KCNH7: variants seen among roughly 807,000 people sequenced by gnomAD.
The protein encoded by KCNH7 is voltage-gated inwardly rectifying potassium channel KCNH7.
KCNH7 carries 49 observed loss-of-function variants against 120.8 expected under a neutral mutation model. That is an observed-to-expected ratio of 0.41 (90% CI 0.32 to 0.51). The LOEUF is 0.51. KCNH7 is among the 20% of genes least tolerant of loss of function. KCNH7 has a pLI of 0.38. For synonymous variants in KCNH7, 547 were observed against 516.1 expected (o/e 1.06, Z -0.81); for missense variants, 1,097 against 1,446.6 (o/e 0.76, Z 3.92).
rs533777613 is a variant in KCNH7 at position 162,519,013 on chromosome 2, A to G, written c.464-855T>C. ...TAAACTCACTAGTAGTAAAAACTGC[A>G]AAGTAATACAAGAGGATATAATTTT... On this transcript the variant is annotated intron_variant, in intron 3 of 15. Coordinates refer to ENST00000332142, the MANE Select transcript of KCNH7 (RefSeq NM_033272.4). 1.4e-3 allele frequency among the ~76,000 whole-genome samples: 218 copies of G among 151,892 alleles called. 1 individual carries two copies. Among genetic ancestry groups the G allele is most frequent in the African/African-American group, 4.4e-3 (182 of 41,532 alleles).
In KCNH7 at chr2:162,708,243, T is replaced by C. The variant is rs145008608; in HGVS notation, c.307+128294A>G. ...AATATTGACAAGGTCAGGATGGGAG[T>C]CCTTAAGACAAAGGAATGAAAGACT... is the stretch of plus-strand genomic sequence containing the variant. On this transcript the variant is annotated intron_variant, in intron 2 of 15. Transcript: ENST00000332142. Among the ~76,000 whole-genome samples the C allele has an allele frequency of 2.6e-5, 4 of 151,774 alleles. No homozygotes were observed. The East Asian group carries it at 7.8e-4, about 29-fold the overall frequency.
chr2:162,545,455 G>A (rs1692447133), intron 2 of KCNH7, among the ~76,000 whole-genome samples: 1 of 152,110 alleles, frequency 6.6e-6, no homozygotes, highest in Non-Finnish European at 1.5e-5. Context: ...GGTCACCCAG[G>A]TCACCTAAGG....
chr2:162,468,050 CATTT>C (rs1291494454), intron 6 of KCNH7, among the ~76,000 whole-genome samples: 2 of 152,144 alleles, frequency 1.3e-5, no homozygotes, highest in Admixed American at 6.5e-5. Flanking sequence ...GAGATACAAA[CATTT>C]AGACCACAGA....
In KCNH7 at chr2:162,398,485, T is replaced by C. The variant is rs111318890; in HGVS notation, c.2408-1540A>G. On this transcript the variant is annotated intron_variant, in intron 10 of 15. Coordinates refer to ENST00000332142, the MANE Select transcript of KCNH7 (RefSeq NM_033272.4). The stretch of plus-strand genomic sequence containing the variant: ...ATTTGTAAGGATTTTAGGGGCTGAC[T>C]TATATGGAAGTAGGGACAGAAAAGG... Among the ~76,000 whole-genome samples, 258 of 151,958 alleles carry C rather than the reference T, an allele frequency of 1.7e-3. 3 individuals carry two copies. The highest frequency in any genetic ancestry group is 5.7e-3 in the African/African-American group (236 of 41,502).
intron 6 of KCNH7, among the ~76,000 whole-genome samples, chr2:162,469,684 C>A (rs1031195246): frequency 1.3e-5 from 2 of 151,776 alleles, no homozygotes; most frequent in African/African-American, 2.4e-5. Flanking sequence ...TCTCCCTCCC[C>A]CTCCCCCTCT....
At chr2:162,557,070 G>A (rs1574098181) in intron 2 of KCNH7, among the ~76,000 whole-genome samples, 1 of 152,186 alleles carries the variant, frequency 6.6e-6, no homozygotes, top group African/African-American at 2.4e-5. Flanking sequence ...GGCTCCATAG[G>A]TAAATTCTGA....
At chr2:162,454,197 T>C (rs1322922546) in intron 6 of KCNH7, among the ~76,000 whole-genome samples, 1 of 152,206 alleles carries the variant, frequency 6.6e-6, no homozygotes, top group Non-Finnish European at 1.5e-5. Flanking sequence ...CCCAGCACTA[T>C]TTATGAAACA....
intron 2 of KCNH7, among the ~76,000 whole-genome samples, chr2:162,818,220 T>C (rs1240128320): frequency 2.0e-5 from 3 of 151,998 alleles, no homozygotes; most frequent in Admixed American, 6.6e-5. Context: ...TGTTTATATC[T>C]CAAAAATTTA....
At chr2:162,487,451 G>A (rs1404316446) in intron 6 of KCNH7, among the ~76,000 whole-genome samples, 1 of 152,062 alleles carries the variant, frequency 6.6e-6, no homozygotes, top group Admixed American at 6.6e-5. Context: ...AGGCTCCACT[G>A]ATATATTTAA....
chr2:162,545,973 A>C (rs1397426653), intron 2 of KCNH7, among the ~76,000 whole-genome samples: 1 of 152,166 alleles, frequency 6.6e-6, no homozygotes, highest in East Asian at 1.9e-4. Flanking sequence ...GTCTTTTCAT[A>C]CTTATAAATT....
intron 6 of KCNH7, among the ~76,000 whole-genome samples, chr2:162,495,882 C>T (rs1690480118): frequency 6.6e-6 from 1 of 152,084 alleles, no homozygotes. Context: ...GGGAGTCAAC[C>T]AAAGCTAAGC....
intron 2 of KCNH7, among the ~76,000 whole-genome samples, chr2:162,809,595 G>T (rs570475798): frequency 4.6e-5 from 7 of 152,212 alleles, no homozygotes; most frequent in African/African-American, 1.4e-4. Flanking sequence ...AATACATTTT[G>T]CTAGAAATAT....
chr2:162,526,672 A>G (rs953863238), intron 3 of KCNH7, among the ~76,000 whole-genome samples: 1 of 151,972 alleles, frequency 6.6e-6, no homozygotes, highest in Non-Finnish European at 1.5e-5. Context: ...TTGTTCCCTG[A>G]ACATTGTTGT....
intron 6 of KCNH7, among the ~76,000 whole-genome samples, chr2:162,464,835 T>C (rs978794507): frequency 2.0e-5 from 3 of 152,048 alleles, no homozygotes; most frequent in African/African-American, 7.2e-5. Flanking sequence ...CATATACAGA[T>C]ACATCAAGGG....
At chr2:162,776,456 A>G (rs942978877) in intron 2 of KCNH7, among the ~76,000 whole-genome samples, 6 of 152,204 alleles carry the variant, frequency 3.9e-5, no homozygotes, top group South Asian at 2.1e-4. Flanking sequence ...TGGGCCAAAT[A>G]TAAGTCAAAA....
intron 2 of KCNH7, among the ~76,000 whole-genome samples, chr2:162,655,661 C>T (rs112026874): frequency 0.13 from 19,159 of 151,800 alleles, 1,374 homozygotes; most frequent in East Asian, 0.33. Flanking sequence ...GGCGTGGTGG[C>T]GCGCGCTTGT....
At chr2:162,465,561 C>T (rs1221724330) in intron 6 of KCNH7, among the ~76,000 whole-genome samples, 2 of 152,108 alleles carry the variant, frequency 1.3e-5, no homozygotes, top group Non-Finnish European at 2.9e-5. Context: ...TTTAATTTAA[C>T]TGTGCTAGAG....
chr2:162,411,402 G>A (rs925536146), intron 9 of KCNH7, among the ~76,000 whole-genome samples: 7 of 151,990 alleles, frequency 4.6e-5, no homozygotes, highest in Admixed American at 1.3e-4. Context: ...GTGGCAGCTA[G>A]ACATTGAATA....
chr2:162,662,694 T>C (rs1247870243), intron 2 of KCNH7, among the ~76,000 whole-genome samples: 1 of 152,210 alleles, frequency 6.6e-6, no homozygotes, highest in African/African-American at 2.4e-5. Flanking sequence ...TTGATCTCAG[T>C]AAACTGTACT....
Sources: gnomAD v4.1 joint callset for allele counts (sites outside exome capture counted in the v4.1 genomes callset) on GRCh38, gnomAD v4.1.1 for gene constraint, MANE v1.5 for transcripts, NCBI Gene and HGNC (gene_info 2026-07-23, HGNC 2026-07-21) for gene names.